SLC24A2: variants seen among roughly 807,000 people sequenced by gnomAD.
SLC24A2 encodes the protein solute carrier family 24 member 2.
SLC24A2 carries 36 observed loss-of-function variants against 62.0 expected under a neutral mutation model. The observed-to-expected ratio is 0.58, with a 90% CI of 0.44 to 0.77. The LOEUF (loss-of-function observed/expected upper bound fraction) is 0.77, where lower values mean the gene tolerates loss of function less well. Among genes scored for constraint, SLC24A2 ranks in the 30% least tolerant of loss-of-function variants. The pLI, the probability that SLC24A2 is intolerant of heterozygous loss-of-function variation, is 0.00. For synonymous variants in SLC24A2, 358 were observed against 294.0 expected, an observed-to-expected ratio of 1.22 and a Z score of -2.23; for missense variants, 846 against 817.9, an observed-to-expected ratio of 1.03 and a Z score of -0.42.
intron 2 of SLC24A2, among the ~76,000 whole-genome samples, chr9:19,706,824 C>T (rs371730924): frequency 0.019 from 2,948 of 151,762 alleles, 53 homozygotes; most frequent in East Asian, 0.094. Flanking sequence ...AAATTGACAC[C>T]CTAACATCAC....
the SLC24A2 span, among the ~76,000 whole-genome samples, chr9:19,901,213 A>G: frequency 6.6e-6 from 1 of 152,224 alleles, no homozygotes; most frequent in Non-Finnish European, 1.5e-5. Flanking sequence ...ACTATGAAAG[A>G]TGTGATAATA....
intron 7 of SLC24A2, among the ~76,000 whole-genome samples, chr9:19,564,110 C>T (rs1041837396): frequency 3.9e-5 from 6 of 152,132 alleles, no homozygotes; most frequent in Non-Finnish European, 8.8e-5. Flanking sequence ...CCTGCCTCGG[C>T]CTCCCAAAAC....
chr9:19,744,431 T>C (rs998398685), intron 2 of SLC24A2, among the ~76,000 whole-genome samples: 14 of 152,144 alleles, frequency 9.2e-5, no homozygotes, highest in African/African-American at 3.1e-4. Flanking sequence ...GGAGTTTGTA[T>C]GTTTACCTTG....
the SLC24A2 span, among the ~76,000 whole-genome samples, chr9:20,035,445 A>G: frequency 6.6e-6 from 1 of 152,276 alleles, no homozygotes; most frequent in East Asian, 1.9e-4. Context: ...TCCAATGAAA[A>G]ATGAAGCTGC....
intron 7 of SLC24A2, among the ~76,000 whole-genome samples, chr9:19,558,391 T>C (rs1835210412): frequency 6.6e-6 from 1 of 152,198 alleles, no homozygotes; most frequent in Admixed American, 6.5e-5. Flanking sequence ...TTAGCATCTC[T>C]ACCCAAGAAA....
chr9:20,091,136 A>AG, the SLC24A2 span, among the ~76,000 whole-genome samples: 2 of 152,002 alleles, frequency 1.3e-5, no homozygotes, highest in Admixed American at 6.5e-5. Context: ...CTGAAATGAC[A>AG]GAAAAAAAAA....
At chr9:19,563,861 CCTCCT>C in intron 7 of SLC24A2, among the ~76,000 whole-genome samples, 1 of 126,274 alleles carries the variant, frequency 7.9e-6, no homozygotes, top group Non-Finnish European at 1.7e-5. Flanking sequence ...TCCCTCCCTC[CCTCCT>C]TTCCTTTCGA....
chr9:19,777,458 G>T (rs1822878090), intron 2 of SLC24A2, among the ~76,000 whole-genome samples: 1 of 152,156 alleles, frequency 6.6e-6, no homozygotes, highest in Non-Finnish European at 1.5e-5. Context: ...CATGTGTAAA[G>T]CTATTTGTTG....
the SLC24A2 span, among the ~76,000 whole-genome samples, chr9:19,840,335 G>A: frequency 6.6e-6 from 1 of 152,288 alleles, no homozygotes; most frequent in Admixed American, 6.5e-5. Flanking sequence ...TTGAACAGCA[G>A]TAGTCATAAT....
the SLC24A2 span, among the ~76,000 whole-genome samples, chr9:19,962,611 T>C: frequency 6.6e-6 from 1 of 152,214 alleles, no homozygotes; most frequent in Non-Finnish European, 1.5e-5. Context: ...AAGTATTTTA[T>C]TCTCTTTGAA....
the SLC24A2 span, among the ~76,000 whole-genome samples, chr9:20,117,487 G>A: frequency 6.6e-6 from 1 of 152,158 alleles, no homozygotes; most frequent in Non-Finnish European, 1.5e-5. Context: ...AACCTGCTAA[G>A]AGAGTACTGG....
In SLC24A2 at chr9:19,519,349, T is replaced by TTGTGTGTG. The variant is rs10640008; in HGVS notation, c.1736+1537_1736+1544dup. On this transcript the variant is annotated intron_variant, in intron 10 of 10. Transcript: ENST00000341998. ...AGTGATTTTTTTTCTTTAAACTTCC[T>TTGTGTGTG]TGTGTGTGTGTGTGTGTGTGTGTGT... 1.7e-3 allele frequency among the ~76,000 whole-genome samples: 257 copies of TTGTGTGTG among 147,676 alleles called. 1 individual carries two copies. Among genetic ancestry groups the TTGTGTGTG allele is most frequent in the Admixed American group, 0.012 (173 of 14,680 alleles).
At chr9:19,672,784 T>C (rs776879404) in intron 2 of SLC24A2, among the ~76,000 whole-genome samples, 2 of 146,758 alleles carry the variant, frequency 1.4e-5, no homozygotes, top group Non-Finnish European at 3.0e-5. Flanking sequence ...CTTGATTTCA[T>C]TGTTGACCCA....
the SLC24A2 span, among the ~76,000 whole-genome samples, chr9:19,952,935 G>C: frequency 1.3e-5 from 2 of 151,866 alleles, no homozygotes; most frequent in Non-Finnish European, 2.9e-5. Flanking sequence ...TTTTAAAGTA[G>C]TATAAGGCTA....
chr9:19,861,713 A>G, the SLC24A2 span, among the ~76,000 whole-genome samples: 36 of 152,242 alleles, frequency 2.4e-4, no homozygotes, highest in African/African-American at 8.7e-4. Context: ...TCAGAATTCT[A>G]TCAGATACAC....
At chr9:20,131,355 C>G in the SLC24A2 span, among the ~76,000 whole-genome samples, 1 of 152,074 alleles carries the variant, frequency 6.6e-6, no homozygotes, top group Non-Finnish European at 1.5e-5. Flanking sequence ...GGACAAGAGG[C>G]AGATGAAGTG....
the SLC24A2 span, among the ~76,000 whole-genome samples, chr9:20,109,805 T>C: frequency 6.6e-6 from 1 of 152,096 alleles, no homozygotes; most frequent in Non-Finnish European, 1.5e-5. Context: ...CCCAAGGGCG[T>C]GGTCTAGAGG....
At chr9:19,839,913 G>A in the SLC24A2 span, among the ~76,000 whole-genome samples, 20 of 152,244 alleles carry the variant, frequency 1.3e-4, no homozygotes, top group African/African-American at 4.3e-4. Flanking sequence ...TAACCCAGAA[G>A]CAATAGGCTA....
chr9:19,756,944 T>C (rs1016266227), intron 2 of SLC24A2, among the ~76,000 whole-genome samples: 4 of 137,504 alleles, frequency 2.9e-5, no homozygotes, highest in African/African-American at 1.1e-4. Flanking sequence ...ATGGTCTGAC[T>C]CTGTTGCCCA....
Sources: gnomAD v4.1 joint callset for allele counts (sites outside exome capture counted in the v4.1 genomes callset) on GRCh38, gnomAD v4.1.1 for gene constraint, MANE v1.5 for transcripts, NCBI Gene and HGNC (gene_info 2026-07-23, HGNC 2026-07-21) for gene names.